The following RNF38 variants were observed in gnomAD, a reference collection of about 807,000 sequenced individuals.
RNF38 encodes E3 ubiquitin-protein ligase RNF38.
RNF38 carries 15 observed loss-of-function variants against 67.2 expected under a neutral mutation model. That is an observed-to-expected ratio of 0.22 (90% CI 0.15 to 0.34). The LOEUF is 0.34. Among genes scored for constraint, RNF38 ranks in the 10% least tolerant of loss-of-function variants. The pLI, the probability that RNF38 is intolerant of heterozygous loss-of-function variation, is 1.00. For missense variants in RNF38, 524 were observed against 639.9 expected (o/e 0.82, Z 1.95); for synonymous variants, 220 against 218.8 (o/e 1.01, Z -0.05).
At chr9:36,379,106 G>T (rs1219400653) in intron 2 of RNF38, among the ~76,000 whole-genome samples, 1 of 152,062 alleles carries the variant, frequency 6.6e-6, no homozygotes, top group Non-Finnish European at 1.5e-5. Context: ...CTCTGTGTTG[G>T]TCAGGATGGT....
intron 1 of RNF38, among the ~76,000 whole-genome samples, chr9:36,483,952 T>C (rs1340865459): frequency 1.3e-5 from 2 of 152,186 alleles, no homozygotes; most frequent in African/African-American, 4.8e-5. Flanking sequence ...GGGTATGGCA[T>C]CCAACCCTAT....
chr9:36,349,939 C>A (rs911520316), intron 9 of RNF38, among the ~76,000 whole-genome samples: 7 of 152,276 alleles, frequency 4.6e-5, no homozygotes, highest in East Asian at 3.9e-4. Flanking sequence ...CAGCCTCCCC[C>A]TCCCGAGTAG....
At chr9:36,397,266 A>G (rs1302183963) in intron 1 of RNF38, among the ~76,000 whole-genome samples, 1 of 151,930 alleles carries the variant, frequency 6.6e-6, no homozygotes, top group African/African-American at 2.4e-5. Flanking sequence ...GGTGCTGGTC[A>G]CCACACCCGA....
intron 4 of RNF38, among the ~76,000 whole-genome samples, chr9:36,368,783 C>A (rs1835159405): frequency 6.6e-6 from 1 of 152,060 alleles, no homozygotes. Context: ...ATCCTATTCT[C>A]ATTAGCATTC....
Position 36,339,107 on chromosome 9 carries a change from A to G in RNF38, c.*645T>C, listed in dbSNP as rs1479182219. The G allele has an allele frequency of 2.6e-5, 4 of 152,644 alleles. No individual in the cohort carries two copies. The highest frequency in any genetic ancestry group is 7.2e-5 in the African/African-American group (3 of 41,446). 9.5% of individuals were successfully genotyped at this position (152,644 alleles called of 1,614,324 possible). A position where few individuals can be genotyped will look rare whatever the true frequency, so the allele number is the denominator to read the frequency against. ...ATGGAGTATTCAATGCTTGTAATTG[A>G]TGCACCCTCAGCAATCAGTGTGCAA... On this transcript the variant is annotated 3_prime_UTR_variant, in exon 12 of 12. Coordinates refer to ENST00000259605, the MANE Select transcript of RNF38 (RefSeq NM_022781.5).
intron 1 of RNF38, among the ~76,000 whole-genome samples, chr9:36,455,407 T>G (rs1839564001): frequency 6.6e-6 from 1 of 152,190 alleles, no homozygotes; most frequent in Non-Finnish European, 1.5e-5. Flanking sequence ...AAAGTTTTGT[T>G]TCTTTAATAG....
intron 2 of RNF38, among the ~76,000 whole-genome samples, chr9:36,389,306 C>A (rs1430984068): frequency 1.4e-5 from 2 of 147,620 alleles, no homozygotes; most frequent in Non-Finnish European, 3.0e-5. Context: ...TATTGAGTTA[C>A]TGTTTGAAAA....
chr9:36,456,585 A>G (rs1293112563), intron 1 of RNF38, among the ~76,000 whole-genome samples: 1 of 152,072 alleles, frequency 6.6e-6, no homozygotes, highest in Non-Finnish European at 1.5e-5. Context: ...GATCTATCCT[A>G]GACTCTGCCT....
intron 1 of RNF38, among the ~76,000 whole-genome samples, chr9:36,398,246 G>A (rs1278720212): frequency 2.0e-5 from 3 of 152,066 alleles, no homozygotes; most frequent in African/African-American, 7.2e-5. Flanking sequence ...GATAGAAGAG[G>A]TGAAAAGTTC....
chr9:36,486,931 C>T (rs1052256937), intron 1 of RNF38, among the ~76,000 whole-genome samples: 2 of 152,132 alleles, frequency 1.3e-5, no homozygotes, highest in Non-Finnish European at 2.9e-5. Context: ...CTTCCCAGCC[C>T]CCTCTGCTCG....
At position 36,451,791 on chromosome 9, in the gene RNF38, C is replaced by T. The variant is rs570377672; in HGVS notation, n.242-27108G>A. Among the ~76,000 whole-genome samples, 10 of 152,006 alleles carry T rather than the reference C, an allele frequency of 6.6e-5. No individual in the cohort carries two copies. In the South Asian group the frequency reaches 2.1e-3, roughly 32 times the overall value. The stretch of plus-strand genomic sequence containing the variant: ...CTGGGATTACAGGCATTAGCCACTG[C>T]ACCCGGCTTGCAGTATTTTTTTAAT... On this transcript the variant is annotated intron_variant and non_coding_transcript_variant, in intron 1 of 3. Coordinates refer to the RNF38 transcript ENST00000488058.
intron 9 of RNF38, among the ~76,000 whole-genome samples, chr9:36,349,976 G>A (rs1219387423): frequency 2.0e-5 from 3 of 151,932 alleles, no homozygotes; most frequent in Non-Finnish European, 1.5e-5. Context: ...CCGCCACCAC[G>A]CCTCGCTAAT....
intron 8 of RNF38, among the ~76,000 whole-genome samples, chr9:36,351,531 T>A (rs1197477605): frequency 6.6e-6 from 1 of 152,156 alleles, no homozygotes. Context: ...CATGCTGATT[T>A]AAAAATTTAT....
intron 1 of RNF38, among the ~76,000 whole-genome samples, chr9:36,441,330 A>AT (rs753735428): frequency 0.019 from 2,695 of 142,792 alleles, 42 homozygotes; most frequent in African/African-American, 0.051. Flanking sequence ...TAAATTACCA[A>AT]TTTTTTTTTT....
chr9:36,430,335 T>G (rs1387146325), intron 1 of RNF38, among the ~76,000 whole-genome samples: 4 of 152,002 alleles, frequency 2.6e-5, no homozygotes, highest in African/African-American at 7.2e-5. Context: ...GACTCCGGAG[T>G]AGCTGGAATT....
chr9:36,367,907 A>G (rs1335717106), intron 4 of RNF38, among the ~76,000 whole-genome samples: 2 of 152,216 alleles, frequency 1.3e-5, no homozygotes, highest in Non-Finnish European at 2.9e-5. Context: ...GCTGGAGTGC[A>G]ATGGCACGAG....
rs569784697 is a variant in RNF38 at position 36,400,268 on chromosome 9, A to T, written c.-160T>A. The stretch of plus-strand genomic sequence containing the variant: ...TCCAGAAACCCACGGAAGCAGAAGG[A>T]CGCCAGAGAGGACCCTTTCGACCGG... On this transcript the variant is annotated 5_prime_UTR_variant, in exon 1 of 12. Coordinates refer to ENST00000259605, the MANE Select transcript of RNF38 (RefSeq NM_022781.5). 2.2e-5 allele frequency: 30 copies of T among 1,352,804 alleles called. No individual in the cohort carries two copies. The East Asian group carries it at 7.3e-4, about 33-fold the overall frequency. The allele number at this position is 1,352,804 out of a possible 1,614,324, so 83.8% of individuals were successfully genotyped here.
At chr9:36,357,349 A>C (rs1362694141) in intron 5 of RNF38, among the ~76,000 whole-genome samples, 1 of 152,198 alleles carries the variant, frequency 6.6e-6, no homozygotes, top group Non-Finnish European at 1.5e-5. Flanking sequence ...GAATAAGACA[A>C]AGCACTCAAA....
chr9:36,467,108 G>C (rs1839878491), intron 1 of RNF38, among the ~76,000 whole-genome samples: 1 of 127,028 alleles, frequency 7.9e-6, no homozygotes, highest in Non-Finnish European at 1.7e-5. Flanking sequence ...GAACCCAGGA[G>C]GTGGAGGTTG....
Sources: allele counts gnomAD v4.1 joint callset (sites outside exome capture counted in the v4.1 genomes callset), GRCh38; gene constraint gnomAD v4.1.1; transcripts MANE v1.5; gene names NCBI Gene and HGNC (gene_info 2026-07-23, HGNC 2026-07-21).